STK38: variants seen among roughly 807,000 people sequenced by gnomAD.
STK38 encodes serine/threonine-protein kinase 38.
Under a neutral mutation model 59.0 loss-of-function variants are expected in STK38, and 26 were observed. The ratio of observed to expected loss-of-function variants is 0.44; its 90% CI spans 0.32 to 0.61. The LOEUF (loss-of-function observed/expected upper bound fraction) is 0.61, where lower values mean the gene tolerates loss of function less well. Ranked by LOEUF, STK38 falls within the 20% of genes least tolerant of loss-of-function variation. The pLI is 0.04. For missense variants in STK38, 433 were observed against 566.0 expected (o/e 0.76, Z 2.38); for synonymous variants, 175 against 176.6 (o/e 0.99, Z 0.07).
intron 7 of STK38, among the ~76,000 whole-genome samples, chr6:36,510,757 C>A (rs6901597): frequency 6.6e-6 from 1 of 152,342 alleles, no homozygotes; most frequent in East Asian, 1.9e-4. Flanking sequence ...CTAAACCACA[C>A]ATCACAGACT....
At position 36,540,176 on chromosome 6, in the gene STK38, G is replaced by C; in HGVS notation, c.27C>G (p.Cys9Trp). 1.9e-6 allele frequency: 3 copies of C among 1,614,070 alleles called. No homozygotes were observed. The highest frequency in any genetic ancestry group is 2.5e-6 in the Non-Finnish European group (3 of 1,179,980). Reference protein sequence around the residue: MAMTGSTPCSSMSNHTKER... With the variant: MAMTGSTPWSSMSNHTKER... Reference sequence around the variant, plus strand: ...CCTTTGTGTGGTTACTCATGGATGAGCAAGGTGTTGAGCCTGTCATTGCCA... The same window carrying C: ...CCTTTGTGTGGTTACTCATGGATGACCAAGGTGTTGAGCCTGTCATTGCCA... The change falls in exon 2 of 14, where the codon TGC (cysteine) becomes TGG (tryptophan). Residue 9 changes from cysteine (C) to tryptophan (W), a missense_variant. By Grantham distance (215) the Cys-to-Trp change is radical. Transcript: ENST00000229812.
intron 1 of STK38, among the ~76,000 whole-genome samples, chr6:36,544,417 C>A (rs1039377578): frequency 6.6e-5 from 10 of 151,986 alleles, no homozygotes; most frequent in African/African-American, 2.4e-4. Context: ...CCCCCCCCTC[C>A]ACCCACAATG....
At chr6:36,508,014 G>C (rs1299457843) in intron 7 of STK38, among the ~76,000 whole-genome samples, 1 of 147,352 alleles carries the variant, frequency 6.8e-6, no homozygotes, top group Non-Finnish European at 1.5e-5. Flanking sequence ...GCTCACTGCA[G>C]CCTCGACCTC....
chr6:36,503,129 C>A (rs138119698), intron 9 of STK38, among the ~76,000 whole-genome samples: 111 of 152,278 alleles, frequency 7.3e-4, no homozygotes, highest in Middle Eastern at 6.8e-3. Context: ...AGAATTGCAG[C>A]GCTGTAGGGT....
At chr6:36,498,245 A>C in intron 11 of STK38, 118 bp downstream of exon 11, 1 of 1,373,670 alleles carries the variant, frequency 7.3e-7, no homozygotes, top group Non-Finnish European at 9.9e-7. Context: ...TTATTTGTTT[A>C]AAGAGAGGAA....
chr6:36,513,824 C>T lies in STK38; in HGVS notation c.669+1514G>A, dbSNP rs558562080. Reference sequence around the variant, plus strand: ...TTTGAGACCAGCCTGGGCAGCAAAGCGAGACCTCATCTCTACTAAAAATTA... The same window carrying T: ...TTTGAGACCAGCCTGGGCAGCAAAGTGAGACCTCATCTCTACTAAAAATTA... On this transcript the variant is annotated intron_variant, in intron 7 of 13. Transcript: ENST00000229812. Among the ~76,000 whole-genome samples, 7 of 134,322 alleles carry T rather than the reference C, an allele frequency of 5.2e-5. No individual in the cohort carries two copies. In the East Asian group the frequency reaches 1.1e-3, roughly 21 times the overall value. The allele number at this position is 134,322 out of a possible 152,430, so 88.1% of individuals were successfully genotyped here. A position where few individuals can be genotyped will look rare whatever the true frequency, so the allele number is the denominator to read the frequency against.
At chr6:36,534,094 G>C (rs1777731450) in intron 2 of STK38, among the ~76,000 whole-genome samples, 1 of 152,010 alleles carries the variant, frequency 6.6e-6, no homozygotes, top group Non-Finnish European at 1.5e-5. Context: ...CAACATAAAG[G>C]AGATAATACA....
At chr6:36,545,584 A>G (rs1222097188) in intron 1 of STK38, among the ~76,000 whole-genome samples, 3 of 152,154 alleles carry the variant, frequency 2.0e-5, no homozygotes, top group Non-Finnish European at 4.4e-5. Context: ...TAAAAAATTT[A>G]GCCTAATTCT....
intron 7 of STK38, among the ~76,000 whole-genome samples, chr6:36,509,619 TG>T (rs1361761562): frequency 3.5e-5 from 2 of 57,192 alleles, no homozygotes; most frequent in African/African-American, 6.6e-5. Flanking sequence ...GAGGTGGGGG[TG>T]GGGGGGTGAT....
chr6:36,521,398 T>G (rs1777372168), intron 5 of STK38, among the ~76,000 whole-genome samples: 2 of 152,138 alleles, frequency 1.3e-5, no homozygotes, highest in Non-Finnish European at 2.9e-5. Context: ...TTCTCAGCAT[T>G]TGGTAAGAAA....
At chr6:36,498,981 C>T (rs1238345008) in intron 10 of STK38, among the ~76,000 whole-genome samples, 4 of 152,052 alleles carry the variant, frequency 2.6e-5, no homozygotes, top group Non-Finnish European at 5.9e-5. Context: ...CCAGAAAATA[C>T]CTAAACCTAT....
At chr6:36,515,201 G>A in intron 7 of STK38, 137 bp downstream of exon 7, 1 of 1,003,822 alleles carries the variant, frequency 1.0e-6, no homozygotes, top group Non-Finnish European at 1.4e-6. Flanking sequence ...AAACTTACCT[G>A]TTTAAAAAAA....
intron 2 of STK38, among the ~76,000 whole-genome samples, chr6:36,526,498 G>A (rs1051584317): frequency 2.0e-5 from 3 of 152,152 alleles, no homozygotes; most frequent in African/African-American, 7.2e-5. Flanking sequence ...GGTAGCTCAC[G>A]CCTGTGATCC....
At chr6:36,514,623 T>C (rs950748571) in intron 7 of STK38, among the ~76,000 whole-genome samples, 26 of 152,268 alleles carry the variant, frequency 1.7e-4, no homozygotes, top group African/African-American at 6.0e-4. Flanking sequence ...TCTAATTTGC[T>C]GTAAGTTTAG....
chr6:36,519,439 A>G (rs1023817733), intron 5 of STK38, among the ~76,000 whole-genome samples: 1 of 152,170 alleles, frequency 6.6e-6, no homozygotes, highest in Non-Finnish European at 1.5e-5. Context: ...GCTCCCATTA[A>G]GCTCCCTACC....
chr6:36,528,781 C>G (rs181010410), intron 2 of STK38, among the ~76,000 whole-genome samples: 65 of 152,328 alleles, frequency 4.3e-4, no homozygotes, highest in Admixed American at 1.6e-3. Flanking sequence ...CACCATCATA[C>G]GTCCTGACTA....
intron 6 of STK38, among the ~76,000 whole-genome samples, chr6:36,516,495 T>C (rs1158848389): frequency 1.3e-5 from 2 of 152,258 alleles, no homozygotes; most frequent in African/African-American, 2.4e-5. Flanking sequence ...ATTTAGAACA[T>C]TATGTTTTGT....
intron 2 of STK38, among the ~76,000 whole-genome samples, chr6:36,527,124 A>C (rs1406656401): frequency 4.8e-4 from 71 of 147,426 alleles, no homozygotes; most frequent in Admixed American, 9.6e-4. Context: ...CCTGGGAGGC[A>C]GAGGTTGCAG....
At chr6:36,518,090 G>C (rs1253220593) in intron 5 of STK38, among the ~76,000 whole-genome samples, 1 of 152,172 alleles carries the variant, frequency 6.6e-6, no homozygotes. Context: ...TGGCTTTAAT[G>C]CAAATAGCAA....
Sources: allele counts gnomAD v4.1 joint callset (sites outside exome capture counted in the v4.1 genomes callset), GRCh38; gene constraint gnomAD v4.1.1; transcripts MANE v1.5; gene names NCBI Gene and HGNC (gene_info 2026-07-23, HGNC 2026-07-21).